The following DYNC2LI1 variants were observed in gnomAD, a reference collection of about 807,000 sequenced individuals.
DYNC2LI1 encodes the protein cytoplasmic dynein 2 light intermediate chain 1.
In DYNC2LI1, 45 loss-of-function variants were observed where a neutral mutation model predicts 51.9. That is an observed-to-expected ratio of 0.87 (90% CI 0.68 to 1.11). The LOEUF is 1.11. DYNC2LI1 is among the 50% of genes most tolerant of loss of function. The pLI is 0.00. For synonymous variants in DYNC2LI1, 130 were observed against 137.8 expected (o/e 0.94, Z 0.40); for missense variants, 490 against 417.4 (o/e 1.17, Z -1.51).
At chr2:43,786,440 C>G (rs1329477098) in intron 3 of DYNC2LI1, among the ~76,000 whole-genome samples, 1 of 152,080 alleles carries the variant, frequency 6.6e-6, no homozygotes, top group African/African-American at 2.4e-5. Flanking sequence ...CCTCAGCCTC[C>G]CAAAGTGCTA....
chr2:43,822,479 C>CCA, the DYNC2LI1 span: 13 of 668,682 alleles, frequency 1.9e-5, no homozygotes, highest in Non-Finnish European at 2.4e-5. Flanking sequence ...CTCCCCCAGG[C>CCA]CCCCCCCCAT....
chr2:43,824,953 C>A, the DYNC2LI1 span: 1 of 1,614,040 alleles, frequency 6.2e-7, no homozygotes, highest in Non-Finnish European at 8.5e-7. Flanking sequence ...AGAAATCAAG[C>A]ATTTCCGCTG....
chr2:43,798,489 T>C (rs3792015), intron 8 of DYNC2LI1, among the ~76,000 whole-genome samples: 3,308 of 152,294 alleles, frequency 0.022, 83 homozygotes, highest in African/African-American at 0.062. Context: ...TTTTTGCCAC[T>C]AGAGAGGGTC....
chr2:43,794,197 TG>T (rs1673924644), intron 5 of DYNC2LI1: 1 of 332,136 alleles, frequency 3.0e-6, no homozygotes, highest in East Asian at 5.2e-5. Flanking sequence ...CTTCTCTATT[TG>T]AACTAAACTA....
chr2:43,805,265 A>G lies in DYNC2LI1; in HGVS notation c.993+19A>G. ...GGATCTGGTATTATCCTAAACATTT[A>G]CTTAATTTCATCTGAAATTTTAACA... On this transcript the variant is annotated intron_variant, in intron 12 of 12. Transcript: ENST00000260605. 6.6e-7 allele frequency: 1 copy of G among 1,511,794 alleles called. No homozygotes were observed. 93.6% of individuals were successfully genotyped at this position (1,511,794 alleles called of 1,614,324 possible). A position where few individuals can be genotyped will look rare whatever the true frequency, so the allele number is the denominator to read the frequency against.
intron 8 of DYNC2LI1, among the ~76,000 whole-genome samples, chr2:43,799,473 T>C (rs908948580): frequency 6.6e-6 from 1 of 152,204 alleles, no homozygotes; most frequent in African/African-American, 2.4e-5. Flanking sequence ...GAAGGAATGT[T>C]CCATGGAAAA....
downstream of DYNC2LI1, among the ~76,000 whole-genome samples, chr2:43,814,164 A>G (rs531500426): frequency 6.6e-6 from 1 of 152,262 alleles, no homozygotes; most frequent in South Asian, 2.1e-4. Context: ...AGCCTGCTTG[A>G]ATGTGTTCAG....
the DYNC2LI1 span, among the ~76,000 whole-genome samples, chr2:43,825,709 C>T: frequency 6.6e-5 from 10 of 152,038 alleles, no homozygotes; most frequent in Non-Finnish European, 1.3e-4. Flanking sequence ...TGGGTTCAAG[C>T]GATTCTCCTG....
At chr2:43,781,582 A>T (rs572207261) in intron 2 of DYNC2LI1, 1 of 151,370 alleles carries the variant, frequency 6.6e-6, no homozygotes, top group Non-Finnish European at 1.5e-5. Flanking sequence ...TTGTAGGAAA[A>T]TTAGAAAATC....
chr2:43,817,206 C>G, the DYNC2LI1 span, among the ~76,000 whole-genome samples: 1 of 152,196 alleles, frequency 6.6e-6, no homozygotes, highest in African/African-American at 2.4e-5. Flanking sequence ...AATTAACCAC[C>G]AGGTATAGTG....
chr2:43,796,019 G>A, intron 7 of DYNC2LI1, 61 bp downstream of exon 7: 1 of 1,149,018 alleles, frequency 8.7e-7, no homozygotes, highest in East Asian at 2.4e-5. Flanking sequence ...TTTTATGAGG[G>A]AGGTACAAAA....
chr2:43,810,411 C>G (rs1666441042), downstream of DYNC2LI1: 14 of 985,350 alleles, frequency 1.4e-5, no homozygotes, highest in Non-Finnish European at 1.7e-5. Context: ...TATCAAGAAG[C>G]AGGACAAAAC....
chr2:43,791,906 G>GT (rs1373273483), intron 5 of DYNC2LI1, among the ~76,000 whole-genome samples: 1 of 151,818 alleles, frequency 6.6e-6, no homozygotes, highest in Non-Finnish European at 1.5e-5. Flanking sequence ...TATGAAATAG[G>GT]TAAAAAGTAA....
At chr2:43,823,952 C>T in the DYNC2LI1 span, 23 of 1,614,048 alleles carry the variant, frequency 1.4e-5, no homozygotes, top group Middle Eastern at 1.6e-4. Flanking sequence ...TACGGGGTGG[C>T]GCCCACAAAC....
chr2:43,786,235 G>C (rs1187688982), intron 3 of DYNC2LI1, among the ~76,000 whole-genome samples: 1 of 152,134 alleles, frequency 6.6e-6, no homozygotes, highest in Non-Finnish European at 1.5e-5. Context: ...GTGCCTCTCT[G>C]TCACCCAGGC....
intron 3 of DYNC2LI1, among the ~76,000 whole-genome samples, chr2:43,783,756 C>A (rs1673396677): frequency 6.6e-6 from 1 of 152,178 alleles, no homozygotes; most frequent in African/African-American, 2.4e-5. Flanking sequence ...GAGACTAATA[C>A]TGGATTTCCC....
chr2:43,783,769 T>A (rs1673397133), intron 3 of DYNC2LI1, among the ~76,000 whole-genome samples: 1 of 152,202 alleles, frequency 6.6e-6, no homozygotes, highest in Non-Finnish European at 1.5e-5. Context: ...GATTTCCCTA[T>A]TTGAGGGAGA....
intron 6 of DYNC2LI1, chr2:43,795,037 C>A (rs1456392641): frequency 9.3e-7 from 1 of 1,074,958 alleles, no homozygotes; most frequent in East Asian, 6.2e-5. Context: ...TAGCCTTCAC[C>A]ATCACTCTGT....
the DYNC2LI1 span, among the ~76,000 whole-genome samples, chr2:43,818,314 C>T: frequency 6.6e-6 from 1 of 151,980 alleles, no homozygotes; most frequent in Non-Finnish European, 1.5e-5. Flanking sequence ...CATGGTGGCG[C>T]ACACCTGTAA....
Sources: allele counts gnomAD v4.1 joint callset (sites outside exome capture counted in the v4.1 genomes callset), GRCh38; gene constraint gnomAD v4.1.1; transcripts MANE v1.5; gene names NCBI Gene and HGNC (gene_info 2026-07-23, HGNC 2026-07-21).